TYR: variants seen among roughly 807,000 people sequenced by gnomAD.
TYR encodes the protein tyrosinase, also known as LB24-AB.
In TYR, 58 loss-of-function variants were observed where a neutral mutation model predicts 51.5. The observed-to-expected ratio is 1.13, with a 90% CI of 0.91 to 1.40. TYR has a LOEUF of 1.40. Among genes scored for constraint, TYR ranks in the 40% most tolerant of loss-of-function variants. The pLI is 0.00. For missense variants in TYR, 732 were observed against 647.4 expected (o/e 1.13, Z -1.42); for synonymous variants, 263 against 235.2 (o/e 1.12, Z -1.08).
Position 89,295,183 on chromosome 11 carries a change from A to G in TYR, c.1407A>G (p.Glu469=), listed in dbSNP as rs762433587. 2 of 1,613,994 alleles carry G rather than the reference A, an allele frequency of 1.2e-6. No individual in the cohort carries two copies. The highest frequency in any genetic ancestry group is 4.5e-5 in the East Asian group (2 of 44,876). ...SFQDYIKSYL[E]QASRIWSWLL... is the part of the protein sequence containing the mutation. ...AAGACTACATTAAGTCCTATTTGGA[A>G]CAAGCGAGTCGGATCTGGTCATGGC... is the stretch of plus-strand genomic sequence containing the variant. Residue 469 remains glutamate, a synonymous_variant, in exon 5 of 5, where the codon GAA becomes GAG. Coordinates refer to ENST00000263321, the MANE Select transcript of TYR (RefSeq NM_000372.5).
chr11:89,199,964 A>C (rs1943574916), intron 2 of TYR, among the ~76,000 whole-genome samples: 1 of 152,374 alleles, frequency 6.6e-6, no homozygotes, highest in South Asian at 2.1e-4. Flanking sequence ...TCAGGCATTA[A>C]GACATATAGA....
intron 2 of TYR, among the ~76,000 whole-genome samples, chr11:89,204,589 G>C (rs1462215693): frequency 6.6e-6 from 1 of 151,844 alleles, no homozygotes; most frequent in Non-Finnish European, 1.5e-5. Flanking sequence ...GTAGAGACAG[G>C]ATTTCACTAT....
At chr11:89,255,804 C>A (rs1423808248) in intron 3 of TYR, among the ~76,000 whole-genome samples, 1 of 151,554 alleles carries the variant, frequency 6.6e-6, no homozygotes, top group East Asian at 1.9e-4. Context: ...TTTTTTATAA[C>A]CAGCCTAATT....
intron 3 of TYR, among the ~76,000 whole-genome samples, chr11:89,246,790 A>T (rs1944273001): frequency 6.6e-6 from 1 of 152,080 alleles, no homozygotes; most frequent in African/African-American, 2.4e-5. Context: ...GAAACAGTCC[A>T]ACCAGAAGGG....
At chr11:89,270,917 G>C (rs930326007) in intron 3 of TYR, among the ~76,000 whole-genome samples, 1 of 151,638 alleles carries the variant, frequency 6.6e-6, no homozygotes, top group Non-Finnish European at 1.5e-5. Flanking sequence ...TGCTTTCGGC[G>C]AATTTCCCAT....
At chr11:89,208,578 C>A (rs1943705780) in intron 2 of TYR, among the ~76,000 whole-genome samples, 1 of 152,082 alleles carries the variant, frequency 6.6e-6, no homozygotes, top group South Asian at 2.1e-4. Flanking sequence ...TTGTTTTCTG[C>A]CAATTTGAGA....
At chr11:89,247,726 C>T (rs1944284066) in intron 3 of TYR, among the ~76,000 whole-genome samples, 1 of 152,158 alleles carries the variant, frequency 6.6e-6, no homozygotes. Context: ...CAGTTTTCTG[C>T]AAAGCGGAGG....
At chr11:89,225,610 A>T (rs1943966778) in intron 2 of TYR, among the ~76,000 whole-genome samples, 1 of 151,950 alleles carries the variant, frequency 6.6e-6, no homozygotes, top group African/African-American at 2.4e-5. Context: ...CAGACTATCA[A>T]AGAAGAGTTT....
intron 2 of TYR, among the ~76,000 whole-genome samples, chr11:89,222,625 G>C (rs1277113412): frequency 6.6e-6 from 1 of 152,044 alleles, no homozygotes; most frequent in Non-Finnish European, 1.5e-5. Flanking sequence ...TGTAATCCCA[G>C]CTACTCTGGA....
intron 2 of TYR, among the ~76,000 whole-genome samples, chr11:89,219,519 T>C (rs1039750569): frequency 2.0e-5 from 3 of 151,918 alleles, no homozygotes; most frequent in East Asian, 3.9e-4. Context: ...GAACCCCTAA[T>C]GTCAAGTGAT....
intron 2 of TYR, among the ~76,000 whole-genome samples, chr11:89,222,284 G>A (rs1022026674): frequency 1.6e-4 from 25 of 152,168 alleles, no homozygotes; most frequent in African/African-American, 6.0e-4. Context: ...ACGACCCGGA[G>A]TGGTTTTCAA....
At chr11:89,195,008 AC>A (rs1200663860) in intron 2 of TYR, among the ~76,000 whole-genome samples, 1 of 152,188 alleles carries the variant, frequency 6.6e-6, no homozygotes, top group Non-Finnish European at 1.5e-5. Flanking sequence ...CCAGAGAGAC[AC>A]ATTTTATCTC....
At chr11:89,201,110 C>T (rs12099178) in intron 2 of TYR, among the ~76,000 whole-genome samples, 3,844 of 152,188 alleles carry the variant, frequency 0.025, 170 homozygotes, top group African/African-American at 0.089. Context: ...ATATCACCAC[C>T]AATCTCATCA....
intron 3 of TYR, among the ~76,000 whole-genome samples, chr11:89,271,299 G>A (rs1369919403): frequency 6.6e-6 from 1 of 151,718 alleles, no homozygotes; most frequent in Admixed American, 6.6e-5. Flanking sequence ...TCTAAGATAT[G>A]GAAGGTTTGG....
intron 4 of TYR, among the ~76,000 whole-genome samples, chr11:89,294,626 T>C (rs371934489): frequency 1.3e-5 from 2 of 152,236 alleles, no homozygotes; most frequent in East Asian, 3.9e-4. Flanking sequence ...CGCCAAAATC[T>C]GTTTCAAGAT....
chr11:89,266,333 T>G (rs1212280724), intron 3 of TYR, among the ~76,000 whole-genome samples: 1 of 152,012 alleles, frequency 6.6e-6, no homozygotes, highest in Admixed American at 6.6e-5. Context: ...GAAAGAAGCA[T>G]TTGAGTTCAT....
chr11:89,276,726 G>A (rs1175702512), intron 3 of TYR, among the ~76,000 whole-genome samples: 1 of 151,460 alleles, frequency 6.6e-6, no homozygotes, highest in Admixed American at 6.6e-5. Context: ...GTCAAGCAGA[G>A]CGTCTTCCAA....
At position 89,189,351 on chromosome 11, in the gene TYR, G is replaced by A. The variant is rs532839632; in HGVS notation, c.820-1851G>A. Among the ~76,000 whole-genome samples, 159 of 151,690 alleles carry A rather than the reference G, an allele frequency of 1.0e-3. 1 individual carries two copies. The highest frequency in any genetic ancestry group is 2.0e-3 in the Non-Finnish European group (133 of 67,906). On this transcript the variant is annotated intron_variant, in intron 1 of 4. Transcript: ENST00000263321. Reference sequence around the variant, plus strand: ...GGTGAGAAATTCTTATTTTTAAGACGGTATTTCTACAATGAAAATCACCTT... The same window carrying A: ...GGTGAGAAATTCTTATTTTTAAGACAGTATTTCTACAATGAAAATCACCTT...
intron 1 of TYR, among the ~76,000 whole-genome samples, chr11:89,179,781 A>G (rs1943276480): frequency 6.6e-6 from 1 of 152,170 alleles, no homozygotes; most frequent in Non-Finnish European, 1.5e-5. Context: ...TCTATTCTGA[A>G]TTTTTCATTC....
Sources: allele counts gnomAD v4.1 joint callset (sites outside exome capture counted in the v4.1 genomes callset), GRCh38; gene constraint gnomAD v4.1.1; transcripts MANE v1.5; gene names NCBI Gene and HGNC (gene_info 2026-07-23, HGNC 2026-07-21).